The following TBC1D15 variants were observed in gnomAD, a reference collection of about 807,000 sequenced individuals.
The protein encoded by TBC1D15 is TBC1 domain family member 15.
In TBC1D15, 39 loss-of-function variants were observed where a neutral mutation model predicts 95.4. That is an observed-to-expected ratio of 0.41 (90% CI 0.32 to 0.53). The LOEUF (loss-of-function observed/expected upper bound fraction) is 0.53, where lower values mean the gene tolerates loss of function less well. TBC1D15 is among the 20% of genes least tolerant of loss of function. TBC1D15 has a pLI of 0.29. For synonymous variants in TBC1D15, 258 were observed against 261.3 expected (o/e 0.99, Z 0.12); for missense variants, 733 against 794.3 (o/e 0.92, Z 0.93).
intron 1 of TBC1D15, among the ~76,000 whole-genome samples, chr12:71,847,385 T>TG (rs1198803101): frequency 6.6e-6 from 1 of 151,572 alleles, no homozygotes; most frequent in Non-Finnish European, 1.5e-5. Flanking sequence ...TATCATTAGT[T>TG]TTTTTTTTAT....
chr12:71,850,869 C>T (rs1887624501), intron 1 of TBC1D15, among the ~76,000 whole-genome samples: 2 of 151,292 alleles, frequency 1.3e-5, no homozygotes, highest in Admixed American at 6.6e-5. Flanking sequence ...CGCCTATAGT[C>T]CCAACTACTT....
chr12:71,874,621 A>ATTT (rs57095362), intron 3 of TBC1D15, among the ~76,000 whole-genome samples: 6 of 122,282 alleles, frequency 4.9e-5, no homozygotes, highest in East Asian at 2.3e-4. Flanking sequence ...TATATTTACT[A>ATTT]TTTTTTTTTT....
intron 1 of TBC1D15, among the ~76,000 whole-genome samples, chr12:71,870,295 A>G (rs1481273218): frequency 2.0e-5 from 3 of 152,152 alleles, no homozygotes; most frequent in African/African-American, 7.2e-5. Context: ...TACTGCTGTG[A>G]ATATTCTTAT....
At chr12:71,858,194 T>C (rs1340134162) in intron 1 of TBC1D15, among the ~76,000 whole-genome samples, 1 of 152,032 alleles carries the variant, frequency 6.6e-6, no homozygotes, top group Non-Finnish European at 1.5e-5. Flanking sequence ...TGCCTCAGCC[T>C]CCTGAGTAGC....
At chr12:71,861,304 G>T in intron 1 of TBC1D15, 1 of 475,190 alleles carries the variant, frequency 2.1e-6, no homozygotes, top group Non-Finnish European at 3.5e-6. Context: ...CTAAATGTTT[G>T]GTAGAATTCC....
At chr12:71,858,176 G>T (rs1276523015) in intron 1 of TBC1D15, among the ~76,000 whole-genome samples, 2 of 151,886 alleles carry the variant, frequency 1.3e-5, no homozygotes, top group African/African-American at 4.8e-5. Context: ...GGGTTCAAGC[G>T]ATTCTCCTGC....
At chr12:71,880,398 G>A in intron 3 of TBC1D15, 71 bp from the exon 4 acceptor site, 1 of 1,356,032 alleles carries the variant, frequency 7.4e-7, no homozygotes, top group Non-Finnish European at 1.0e-6. Flanking sequence ...AAACATTGAA[G>A]CTAAGATGAT....
At chr12:71,877,942 G>C (rs568110701) in intron 3 of TBC1D15, among the ~76,000 whole-genome samples, 9 of 152,296 alleles carry the variant, frequency 5.9e-5, no homozygotes, top group Non-Finnish European at 1.2e-4. Context: ...TTTAAGAGCA[G>C]ATGCACAACA....
intron 10 of TBC1D15, among the ~76,000 whole-genome samples, chr12:71,898,291 A>G (rs1016902651): frequency 3.3e-5 from 5 of 152,084 alleles, no homozygotes; most frequent in African/African-American, 1.2e-4. Flanking sequence ...AATTAACTGT[A>G]GATGAGCAAA....
chr12:71,894,744 A>G lies in TBC1D15; in HGVS notation c.716A>G (p.Tyr239Cys), dbSNP rs769556397. ...TMIGFSKVTN[Y>C]IFDSLRGSDP... ...ATAGGATTTTCCAAAGTCACAAACT[A>G]CATTTTTGACAGTTTGAGAGGCAGC... The change falls in exon 7 of 17, where the codon TAC (tyrosine) becomes TGC (cysteine). Residue 239 changes from tyrosine to cysteine, a missense_variant. Tyr to Cys is a radical substitution (Grantham distance 194). Coordinates refer to ENST00000485960, the MANE Select transcript of TBC1D15 (RefSeq NM_001146213.3). The G allele has an allele frequency of 1.3e-5, 21 of 1,613,162 alleles. No homozygotes were observed. The highest frequency in any genetic ancestry group is 1.6e-4 in the Middle Eastern group (1 of 6,084).
intron 1 of TBC1D15, among the ~76,000 whole-genome samples, chr12:71,868,240 C>CTTTTTTTTT (rs771782876): frequency 7.6e-6 from 1 of 132,380 alleles, no homozygotes. Flanking sequence ...GCAGCTTTGA[C>CTTTTTTTTT]TTTTTTTTTT....
chr12:71,858,112 G>A (rs1889522611), intron 1 of TBC1D15, among the ~76,000 whole-genome samples: 1 of 150,652 alleles, frequency 6.6e-6, no homozygotes, highest in Non-Finnish European at 1.5e-5. Context: ...CGCTCTTCTT[G>A]CCCAGGCTGG....
intron 1 of TBC1D15, among the ~76,000 whole-genome samples, chr12:71,855,899 TAATC>T (rs148627640): frequency 0.016 from 2,394 of 151,762 alleles, 71 homozygotes; most frequent in African/African-American, 0.056. Context: ...TTGTTTTTCT[TAATC>T]AGTTGCACCT....
intron 7 of TBC1D15, 129 bp downstream of exon 7, chr12:71,895,012 A>AT: frequency 1.3e-6 from 1 of 756,104 alleles, no homozygotes; most frequent in South Asian, 2.0e-5. Flanking sequence ...TTTTGCTAGT[A>AT]TATCTGACAA....
Position 71,923,009 on chromosome 12 carries a change from C to T in TBC1D15, c.1830C>T (p.Ile610=). The T allele has an allele frequency of 1.2e-6, 2 of 1,614,184 alleles. No individual in the cohort carries two copies. The highest frequency in any genetic ancestry group is 1.7e-6 in the Non-Finnish European group (2 of 1,180,032). ...AATTGCCACAAGCAGTCTGTGAGATCCTTGGGCTTCAAGGCAGTGAAGTTA... is the reference window on the plus strand; with the variant it reads ...AATTGCCACAAGCAGTCTGTGAGATTCTTGGGCTTCAAGGCAGTGAAGTTA... The part of the protein sequence containing the change: ...CKELPQAVCE[I]LGLQGSEVTT... Residue 610 remains isoleucine, a synonymous_variant, in exon 17 of 17, where the codon ATC becomes ATT. Coordinates refer to ENST00000485960, the MANE Select transcript of TBC1D15 (RefSeq NM_001146213.3).
At chr12:71,861,772 G>A (rs1330114748) in intron 1 of TBC1D15, among the ~76,000 whole-genome samples, 1 of 149,004 alleles carries the variant, frequency 6.7e-6, no homozygotes, top group Non-Finnish European at 1.5e-5. Context: ...GACATGCATT[G>A]TTCAGTTGTT....
At chr12:71,866,008 AG>A (rs1168397498) in intron 1 of TBC1D15, among the ~76,000 whole-genome samples, 2 of 152,010 alleles carry the variant, frequency 1.3e-5, no homozygotes, top group African/African-American at 2.4e-5. Flanking sequence ...GAGTGGCCAA[AG>A]TCCTGTTTTC....
At chr12:71,914,264 G>C (rs1462685204) in intron 12 of TBC1D15, among the ~76,000 whole-genome samples, 1 of 151,920 alleles carries the variant, frequency 6.6e-6, no homozygotes, top group Non-Finnish European at 1.5e-5. Context: ...AATATCATCT[G>C]TTTCAGAGAT....
At chr12:71,856,901 A>AGTCTC (rs1191636500) in intron 1 of TBC1D15, among the ~76,000 whole-genome samples, 12 of 152,332 alleles carry the variant, frequency 7.9e-5, no homozygotes, top group African/African-American at 2.6e-4. Flanking sequence ...GCAGTGGAAG[A>AGTCTC]ACCTTGAGCA....
Sources: allele counts gnomAD v4.1 joint callset (sites outside exome capture counted in the v4.1 genomes callset), GRCh38; gene constraint gnomAD v4.1.1; transcripts MANE v1.5; gene names NCBI Gene and HGNC (gene_info 2026-07-23, HGNC 2026-07-21).